Variants in SUSD6 observed in about 807,000 individuals in gnomAD.
SUSD6 encodes sushi domain containing 6.
Under a neutral mutation model 28.4 loss-of-function variants are expected in SUSD6, and 16 were observed. The observed-to-expected ratio is 0.56, with a 90% CI of 0.38 to 0.86. The LOEUF is 0.86. Among genes scored for constraint, SUSD6 ranks in the 40% least tolerant of loss-of-function variants. The probability of loss-of-function intolerance (pLI) is 0.00; values close to 1 mark genes in which losing one functional copy is unlikely to be tolerated. For missense variants in SUSD6, 341 were observed against 384.2 expected (o/e 0.89, Z 0.94); for synonymous variants, 147 against 159.6 (o/e 0.92, Z 0.59).
In SUSD6 at chr14:69,665,848, G is replaced by C. The variant is rs573091919; in HGVS notation, c.121+7135G>C. ...ATTCCTTGCTGCTTGTGTTGCCTTGGATAATTTTTGTGACTTCACTGTCTG... is the reference window on the plus strand; with the variant it reads ...ATTCCTTGCTGCTTGTGTTGCCTTGCATAATTTTTGTGACTTCACTGTCTG... On this transcript the variant is annotated intron_variant, in intron 2 of 5. Transcript: ENST00000342745. Among the ~76,000 whole-genome samples the C allele has an allele frequency of 1.9e-4, 29 of 152,280 alleles. No homozygotes were observed. In the South Asian group the frequency reaches 6.0e-3, roughly 32 times the overall value.
intron 1 of SUSD6, among the ~76,000 whole-genome samples, chr14:69,627,729 G>T (rs1211548485): frequency 6.6e-6 from 1 of 152,184 alleles, no homozygotes; most frequent in South Asian, 2.1e-4. Context: ...CTCCCAAAGT[G>T]CTGGGATTAC....
Position 69,685,735 on chromosome 14 carries a change from C to T in SUSD6, c.122-17660C>T, listed in dbSNP as rs116213440. On this transcript the variant is annotated intron_variant, in intron 2 of 5. Coordinates refer to ENST00000342745, the MANE Select transcript of SUSD6 (RefSeq NM_014734.4). ...CAAGAAATCTTAAATTTGCTAAACC[C>T]GTGGTGGGGGAGTGAGAGGGTAGAA... Among the ~76,000 whole-genome samples, 531 of 152,298 alleles carry T rather than the reference C, an allele frequency of 3.5e-3. 2 individuals are homozygous for T. Among genetic ancestry groups the T allele is most frequent in the African/African-American group, 0.012 (497 of 41,578 alleles).
In SUSD6 at chr14:69,712,110, G is replaced by C. The variant is rs1017702150; in HGVS notation, c.*1131G>C. 6.6e-6 allele frequency: 1 copy of C among 152,376 alleles called. No homozygotes were observed. Among genetic ancestry groups the C allele is most frequent in the African/African-American group, 2.4e-5 (1 of 41,466 alleles). 9.4% of individuals were successfully genotyped at this position (152,376 alleles called of 1,614,324 possible). A position where few individuals can be genotyped will look rare whatever the true frequency, so the allele number is the denominator to read the frequency against. ...TGAGGATCCTCCTCACCATGGTCAC[G>C]TGCCTTAGTAACTGTGCCCAGGAAG... is the stretch of plus-strand genomic sequence containing the variant. On this transcript the variant is annotated 3_prime_UTR_variant, in exon 6 of 6. Transcript: ENST00000342745.
intron 2 of SUSD6, among the ~76,000 whole-genome samples, chr14:69,686,323 C>T (rs563319123): frequency 6.6e-6 from 1 of 152,186 alleles, no homozygotes; most frequent in African/African-American, 2.4e-5. Context: ...TTTTGGCTTT[C>T]TGAGTTGACT....
chr14:69,611,616 C>G lies in SUSD6; in HGVS notation c.-293C>G, dbSNP rs1027711767. On this transcript the variant is annotated 5_prime_UTR_variant, in exon 1 of 6. Transcript: ENST00000342745. ...GGGTCAGTGACGCGGGCGCTGCAGC[C>G]GTCGCTACCGCCGCGTTCTATTCTC... 3 of 151,216 alleles carry G rather than the reference C, an allele frequency of 2.0e-5. No individual in the cohort carries two copies. The highest frequency in any genetic ancestry group is 3.0e-5 in the Non-Finnish European group (2 of 67,730). 9.4% of individuals were successfully genotyped at this position (151,216 alleles called of 1,614,324 possible).
chr14:69,698,977 C>T (rs751302989), intron 2 of SUSD6, among the ~76,000 whole-genome samples: 2 of 152,156 alleles, frequency 1.3e-5, no homozygotes, highest in African/African-American at 2.4e-5. Flanking sequence ...CTTCCTTCTG[C>T]GAACCTGGAA....
chr14:69,620,579 C>T (rs1885022177), intron 1 of SUSD6, among the ~76,000 whole-genome samples: 1 of 152,190 alleles, frequency 6.6e-6, no homozygotes, highest in Non-Finnish European at 1.5e-5. Flanking sequence ...GGTAGACTTT[C>T]AGCTTGATTG....
chr14:69,624,605 A>C (rs1387387100), intron 1 of SUSD6, among the ~76,000 whole-genome samples: 1 of 152,084 alleles, frequency 6.6e-6, no homozygotes, highest in Admixed American at 6.5e-5. Context: ...GGCATGTGGC[A>C]CCATATCCGG....
At chr14:69,638,823 A>G (rs1885304299) in intron 1 of SUSD6, among the ~76,000 whole-genome samples, 1 of 152,180 alleles carries the variant, frequency 6.6e-6, no homozygotes, top group African/African-American at 2.4e-5. Context: ...GGACTTGCGT[A>G]ATTTAAACCC....
chr14:69,710,916 A>G, intron 5 of SUSD6, 38 bp from the exon 6 acceptor site: 2 of 1,611,492 alleles, frequency 1.2e-6, no homozygotes, highest in South Asian at 1.1e-5. Flanking sequence ...AGTTCCACAC[A>G]AGGTAACCAC....
chr14:69,660,419 C>T (rs1885645612), intron 2 of SUSD6, among the ~76,000 whole-genome samples: 1 of 152,186 alleles, frequency 6.6e-6, no homozygotes, highest in African/African-American at 2.4e-5. Context: ...TGGCACAGCC[C>T]AGGGGGCCAT....
At chr14:69,645,057 T>C (rs1193221079) in intron 1 of SUSD6, among the ~76,000 whole-genome samples, 1 of 152,198 alleles carries the variant, frequency 6.6e-6, no homozygotes, top group Non-Finnish European at 1.5e-5. Flanking sequence ...TTGGGTAATT[T>C]ATGATGAAGA....
chr14:69,619,390 T>A (rs1276511640), intron 1 of SUSD6, among the ~76,000 whole-genome samples: 1 of 152,160 alleles, frequency 6.6e-6, no homozygotes, highest in Non-Finnish European at 1.5e-5. Context: ...GCTTTCACTT[T>A]AAAAAATCGG....
chr14:69,701,611 G>A (rs1160057683), intron 2 of SUSD6, among the ~76,000 whole-genome samples: 1 of 152,170 alleles, frequency 6.6e-6, no homozygotes, highest in Non-Finnish European at 1.5e-5. Context: ...AAGTTAAAGA[G>A]CACCAGAAGG....
intron 2 of SUSD6, among the ~76,000 whole-genome samples, chr14:69,691,299 C>T (rs1028442150): frequency 2.6e-5 from 4 of 152,114 alleles, no homozygotes; most frequent in African/African-American, 9.7e-5. Context: ...TGAGCCAAGA[C>T]AAGATCGTGC....
At chr14:69,629,897 G>A (rs138890786) in intron 1 of SUSD6, among the ~76,000 whole-genome samples, 3 of 152,270 alleles carry the variant, frequency 2.0e-5, no homozygotes, top group African/African-American at 4.8e-5. Flanking sequence ...CACGGTCGGC[G>A]GTTGAACCAG....
At chr14:69,648,511 TG>T (rs1478382381) in intron 1 of SUSD6, among the ~76,000 whole-genome samples, 1 of 152,186 alleles carries the variant, frequency 6.6e-6, no homozygotes, top group Non-Finnish European at 1.5e-5. Context: ...GAGGGAAGGA[TG>T]GTTTAGAGTT....
intron 2 of SUSD6, among the ~76,000 whole-genome samples, chr14:69,679,578 C>CT (rs59195061): frequency 0.024 from 3,358 of 138,302 alleles, 123 homozygotes; most frequent in African/African-American, 0.08. Flanking sequence ...GTTTATTTTG[C>CT]TTTTTTTTTT....
At chr14:69,638,705 G>A (rs1382449621) in intron 1 of SUSD6, among the ~76,000 whole-genome samples, 1 of 152,172 alleles carries the variant, frequency 6.6e-6, no homozygotes, top group Non-Finnish European at 1.5e-5. Flanking sequence ...TGCCAGTGCT[G>A]CTGTTAATGG....
Sources: allele counts gnomAD v4.1 joint callset (sites outside exome capture counted in the v4.1 genomes callset), GRCh38; gene constraint gnomAD v4.1.1; transcripts MANE v1.5; gene names NCBI Gene and HGNC (gene_info 2026-07-23, HGNC 2026-07-21).